The following MYL10 variants were observed in gnomAD, a reference collection of about 807,000 sequenced individuals.
MYL10 encodes myosin regulatory light chain 10.
A neutral mutation model predicts 21.9 loss-of-function variants in MYL10; 18 were observed. The ratio of observed to expected loss-of-function variants is 0.82; its 90% CI spans 0.57 to 1.22. MYL10 has a LOEUF of 1.22. Among genes scored for constraint, MYL10 ranks in the 50% most tolerant of loss-of-function variants. The pLI is 0.00. For missense variants in MYL10, 225 were observed against 230.4 expected (o/e 0.98, Z 0.15); for synonymous variants, 88 against 82.8 (o/e 1.06, Z -0.34).
intron 3 of MYL10, among the ~76,000 whole-genome samples, chr7:101,623,478 T>C (rs1158537464): frequency 6.6e-6 from 1 of 151,980 alleles, no homozygotes; most frequent in African/African-American, 2.4e-5. Context: ...GAGGATTGCT[T>C]GAGGTCAGGA....
At chr7:101,616,411 CAG>C in intron 5 of MYL10, 113 bp from the exon 6 acceptor site, 1 of 734,754 alleles carries the variant, frequency 1.4e-6, no homozygotes, top group Non-Finnish European at 2.3e-6. Context: ...GGCCCCTGCA[CAG>C]AGGCACAGCT....
chr7:101,627,172 G>A (rs979246919), intron 1 of MYL10, among the ~76,000 whole-genome samples: 4 of 151,824 alleles, frequency 2.6e-5, no homozygotes, highest in Admixed American at 1.3e-4. Context: ...GGTGGCGGGC[G>A]CCTGTAATCC....
chr7:101,627,885 G>A (rs892175871), intron 1 of MYL10, among the ~76,000 whole-genome samples: 5 of 152,226 alleles, frequency 3.3e-5, no homozygotes, highest in African/African-American at 1.2e-4. Flanking sequence ...ATGCTGGCTG[G>A]GACCCACTCA....
In MYL10 at chr7:101,623,062, A is replaced by G. The variant is rs148461579; in HGVS notation, c.284T>C (p.Ile95Thr). The change falls in exon 4 of 8, where the codon ATC becomes ACC. Residue 95 changes from isoleucine to threonine, a missense_variant. By Grantham distance (89) the Ile-to-Thr change is moderately conservative. Transcript: ENST00000223167. Reference protein sequence around the residue: ...SPASASQAFTIMDQNRDGFID... With the variant: ...SPASASQAFTTMDQNRDGFID... ...GAAGCCATCACGGTTCTGGTCCATG[A>G]TGGTGAAAGCCTGGCAGAGACACAG... 5.6e-6 allele frequency: 9 copies of G among 1,613,786 alleles called. No individual in the cohort carries two copies. The African/African-American group carries it at 1.2e-4, about 22-fold the overall frequency.
At chr7:101,625,411 G>GA (rs1240089427) in intron 1 of MYL10, among the ~76,000 whole-genome samples, 4 of 152,196 alleles carry the variant, frequency 2.6e-5, no homozygotes, top group Non-Finnish European at 2.9e-5. Context: ...GGATGGCACA[G>GA]AAATGGGTTC....
At position 101,628,874 on chromosome 7, in the gene MYL10, G is replaced by A. The variant is rs1796776090; in HGVS notation, c.78+167C>T. Among the ~76,000 whole-genome samples, 3 of 152,280 alleles carry A rather than the reference G, an allele frequency of 2.0e-5. No homozygotes were observed. The South Asian group carries it at 6.2e-4, about 32-fold the overall frequency. Reference sequence around the variant, plus strand: ...GAATATCATAATAATAATAAGAAGAGCAGCTAATATACAACACAGAAGGTC... The same window carrying A: ...GAATATCATAATAATAATAAGAAGAACAGCTAATATACAACACAGAAGGTC... On this transcript the variant is annotated intron_variant, in intron 1 of 7. Transcript: ENST00000223167.
intron 5 of MYL10, among the ~76,000 whole-genome samples, chr7:101,617,419 C>G (rs1445878964): frequency 7.9e-5 from 12 of 152,218 alleles, no homozygotes; most frequent in Non-Finnish European, 1.2e-4. Flanking sequence ...AAAACAGGCT[C>G]AGAGATGTTT....
chr7:101,615,861 A>AT (rs1257901380), intron 6 of MYL10, among the ~76,000 whole-genome samples: 3 of 150,916 alleles, frequency 2.0e-5, no homozygotes, highest in Admixed American at 1.3e-4. Context: ...TGCCTGGCTA[A>AT]TTTTTTTTAT....
chr7:101,616,305 G>T lies in MYL10; in HGVS notation c.455-7C>A. 1 of 1,612,318 alleles carries T rather than the reference G, an allele frequency of 6.2e-7. No individual in the cohort carries two copies. Among genetic ancestry groups the T allele is most frequent in the Non-Finnish European group, 8.5e-7 (1 of 1,178,412 alleles). On this transcript the variant is annotated splice_region_variant and splice_polypyrimidine_tract_variant and intron_variant, in intron 5 of 7. Transcript: ENST00000223167. Reference sequence around the variant, plus strand: ...GTCTCCTCTGGGTCCGTGCCTATAAGCAGCACATACAGGGCAGGGAGAGAG... The same window carrying T: ...GTCTCCTCTGGGTCCGTGCCTATAATCAGCACATACAGGGCAGGGAGAGAG...
In MYL10 at chr7:101,619,597, C is replaced by T. The variant is rs376658917; in HGVS notation, c.454+2499G>A. ...CTGAATGGTGGCCCCTAAAAAGAGACGTCCACCAGAGGCCGGGCACGGTGG... is the reference window on the plus strand; with the variant it reads ...CTGAATGGTGGCCCCTAAAAAGAGATGTCCACCAGAGGCCGGGCACGGTGG... On this transcript the variant is annotated intron_variant, in intron 5 of 7. Coordinates refer to ENST00000223167, the MANE Select transcript of MYL10 (RefSeq NM_138403.5). Among the ~76,000 whole-genome samples the T allele has an allele frequency of 1.6e-4, 25 of 152,244 alleles. No homozygotes were observed. In the East Asian group the frequency reaches 2.3e-3, roughly 14 times the overall value.
rs766324773 is a variant in MYL10, at chr7:101,613,492, C to T, written c.664G>A (p.Gly222Ser). Reference protein sequence around the residue: ...YRNLCYVITHGEEKD With the variant: ...YRNLCYVITHSEEKD ...GTGATCCCCTAATCCTTCTCTTCAC[C>T]GTGAGTGATGACGTAGCACAGGTTT... is the stretch of plus-strand genomic sequence containing the variant. Residue 222 changes from glycine (G) to serine (S), a missense_variant, in exon 8 of 8, where the codon GGT (glycine) becomes AGT (serine). Gly to Ser is a moderately conservative substitution (Grantham distance 56, BLOSUM62 0). Transcript: ENST00000223167. 7 of 1,614,014 alleles carry T rather than the reference C, an allele frequency of 4.3e-6. No homozygotes were observed. Among genetic ancestry groups the T allele is most frequent in the African/African-American group, 1.3e-5 (1 of 75,046 alleles).
intron 4 of MYL10, 75 bp downstream of exon 4, chr7:101,622,922 T>C: frequency 7.1e-7 from 1 of 1,399,524 alleles, no homozygotes; most frequent in Non-Finnish European, 1.0e-6. Context: ...CCGCGAGCCC[T>C]GCCCTGCTGG....
At chr7:101,616,099 TG>T in intron 6 of MYL10, 120 bp downstream of exon 6, 1 of 734,322 alleles carries the variant, frequency 1.4e-6, no homozygotes, top group Non-Finnish European at 2.4e-6. Context: ...ATCACTGGGC[TG>T]GGCAGCGGCC....
chr7:101,625,797 A>G (rs1270771220), intron 1 of MYL10, among the ~76,000 whole-genome samples: 7 of 152,184 alleles, frequency 4.6e-5, no homozygotes, highest in Admixed American at 2.0e-4. Context: ...CCACATAATT[A>G]CATATACATT....
intron 4 of MYL10, among the ~76,000 whole-genome samples, chr7:101,622,707 C>A (rs1262748184): frequency 6.6e-6 from 1 of 152,190 alleles, no homozygotes; most frequent in Non-Finnish European, 1.5e-5. Context: ...TTCTCCCCTG[C>A]TTTCCTGGCC....
intron 6 of MYL10, among the ~76,000 whole-genome samples, chr7:101,614,177 C>T (rs1402320889): frequency 6.6e-6 from 1 of 152,132 alleles, no homozygotes; most frequent in East Asian, 1.9e-4. Context: ...GGTCCGTGTC[C>T]TCCTGGGCCT....
intron 2 of MYL10, 48 bp downstream of exon 2, chr7:101,624,124 A>G: frequency 1.7e-6 from 2 of 1,187,232 alleles, no homozygotes; most frequent in East Asian, 2.3e-5. Flanking sequence ...AGCAACTGGC[A>G]TGCATTCCAA....
intron 5 of MYL10, among the ~76,000 whole-genome samples, chr7:101,621,259 T>C (rs1349446265): frequency 6.6e-6 from 1 of 152,056 alleles, no homozygotes; most frequent in Non-Finnish European, 1.5e-5. Context: ...GGGGTTGAGG[T>C]TGCATCCCGG....
intron 3 of MYL10, among the ~76,000 whole-genome samples, chr7:101,623,303 C>G (rs926591449): frequency 6.6e-6 from 1 of 152,196 alleles, no homozygotes; most frequent in African/African-American, 2.4e-5. Context: ...CGAGGTCACA[C>G]AGCAAGCACA....
Sources: gnomAD v4.1 joint callset for allele counts (sites outside exome capture counted in the v4.1 genomes callset) on GRCh38, gnomAD v4.1.1 for gene constraint, MANE v1.5 for transcripts, NCBI Gene and HGNC (gene_info 2026-07-23, HGNC 2026-07-21) for gene names.